RANBP17: variants seen among roughly 807,000 people sequenced by gnomAD.
RANBP17 encodes RAN binding protein 17, also known as ran-binding protein 17.
A neutral mutation model predicts 141.2 loss-of-function variants in RANBP17; 158 were observed. The ratio of observed to expected loss-of-function variants is 1.12; its 90% CI spans 0.98 to 1.28. The LOEUF is 1.28. Among genes scored for constraint, RANBP17 ranks in the 50% most tolerant of loss-of-function variants. RANBP17 has a pLI of 0.00. For missense variants in RANBP17, 1,438 were observed against 1,290.7 expected (o/e 1.11, Z -1.75); for synonymous variants, 430 against 450.0 (o/e 0.96, Z 0.56).
rs139519688 is a variant in RANBP17 at position 171,163,542 on chromosome 5, A to G, written c.1711-6588A>G. ...GACCTCAAAGGCACTTGAAGCCTAA[A>G]ACAAAAATATGAAAATTGATTTCTT... On this transcript the variant is annotated intron_variant, in intron 14 of 27. Transcript: ENST00000523189. 3.7e-3 allele frequency among the ~76,000 whole-genome samples: 568 copies of G among 152,250 alleles called. 4 individuals are homozygous for G. Among genetic ancestry groups the G allele is most frequent in the Non-Finnish European group, 6.5e-3 (439 of 67,998 alleles).
At chr5:170,874,636 T>A (rs925067429) in intron 1 of RANBP17, among the ~76,000 whole-genome samples, 6 of 138,272 alleles carry the variant, frequency 4.3e-5, no homozygotes, top group African/African-American at 1.6e-4. Flanking sequence ...TGTCAGAAAC[T>A]AGGATTTTAA....
At chr5:171,137,134 G>A (rs1047200778) in intron 14 of RANBP17, among the ~76,000 whole-genome samples, 1 of 152,120 alleles carries the variant, frequency 6.6e-6, no homozygotes, top group Non-Finnish European at 1.5e-5. Context: ...TTTTAAACTG[G>A]ATAGGAATTT....
chr5:171,014,362 C>T (rs1037898820), intron 14 of RANBP17, among the ~76,000 whole-genome samples: 3 of 151,870 alleles, frequency 2.0e-5, no homozygotes, highest in African/African-American at 7.2e-5. Context: ...CTACTGTTTT[C>T]CCTTTTTATC....
chr5:171,261,090 C>CCCAA (rs1554125343), intron 24 of RANBP17, among the ~76,000 whole-genome samples: 4 of 68,492 alleles, frequency 5.8e-5, no homozygotes, highest in Non-Finnish European at 7.5e-5. Flanking sequence ...CCACCCCCCC[C>CCCAA]AAAAAAAAAA....
intron 14 of RANBP17, among the ~76,000 whole-genome samples, chr5:171,055,180 T>C (rs536148805): frequency 2.5e-4 from 38 of 152,324 alleles, no homozygotes; most frequent in African/African-American, 8.2e-4. Flanking sequence ...GGTTGCTAGC[T>C]GATTCCTGTT....
intron 21 of RANBP17, 109 bp downstream of exon 21, chr5:171,213,847 C>G: frequency 1.2e-6 from 1 of 824,334 alleles, no homozygotes. Context: ...TAGCAAGAGC[C>G]CAGGAACCAA....
chr5:170,995,453 T>C (rs1389673196), intron 14 of RANBP17, among the ~76,000 whole-genome samples: 5 of 152,184 alleles, frequency 3.3e-5, no homozygotes, highest in Admixed American at 6.6e-5. Context: ...AATAAAATTA[T>C]AGTATGAAGG....
chr5:171,127,701 T>G (rs1446290205), intron 14 of RANBP17, among the ~76,000 whole-genome samples: 2 of 151,996 alleles, frequency 1.3e-5, no homozygotes, highest in African/African-American at 4.8e-5. Context: ...AAAAAGACAA[T>G]AAATAACAAA....
chr5:171,192,236 G>A (rs77180194), intron 18 of RANBP17, among the ~76,000 whole-genome samples: 1,590 of 152,194 alleles, frequency 0.01, 25 homozygotes, highest in African/African-American at 0.037. Flanking sequence ...GGGGGATGGG[G>A]GAGTGGGCAG....
At chr5:171,165,182 T>C (rs933661866) in intron 14 of RANBP17, among the ~76,000 whole-genome samples, 1 of 151,354 alleles carries the variant, frequency 6.6e-6, no homozygotes, top group Non-Finnish European at 1.5e-5. Context: ...TAGGTTTTTT[T>C]GTTTTTTTGT....
rs569656264 is a variant in RANBP17, at chr5:170,862,026, C to T, written c.-8C>T. The T allele has an allele frequency of 2.5e-4, 365 of 1,460,598 alleles. 2 individuals are homozygous for T. The African/African-American group carries it at 4.9e-3, about 20-fold the overall frequency. The allele number at this position is 1,460,598 out of a possible 1,614,324, so 90.5% of individuals were successfully genotyped here. A position where few individuals can be genotyped will look rare whatever the true frequency, so the allele number is the denominator to read the frequency against. ...CCGGCCGGCTGGCCGGCGCCGCCTCCTGGGAAGATGGCGCTGCACTTCCAG... is the reference window on the plus strand; with the variant it reads ...CCGGCCGGCTGGCCGGCGCCGCCTCTTGGGAAGATGGCGCTGCACTTCCAG... On this transcript the variant is annotated 5_prime_UTR_variant, in exon 1 of 28. Coordinates refer to ENST00000523189, the MANE Select transcript of RANBP17 (RefSeq NM_022897.5).
At chr5:170,960,333 T>G (rs1776040007) in intron 13 of RANBP17, among the ~76,000 whole-genome samples, 1 of 152,210 alleles carries the variant, frequency 6.6e-6, no homozygotes, top group South Asian at 2.1e-4. Context: ...GTAATTCTTG[T>G]CTTCTGACTT....
At chr5:171,057,582 T>C (rs1783485264) in intron 14 of RANBP17, among the ~76,000 whole-genome samples, 1 of 152,180 alleles carries the variant, frequency 6.6e-6, no homozygotes, top group Non-Finnish European at 1.5e-5. Context: ...CAAATGATAC[T>C]GTACGAATAA....
intron 12 of RANBP17, among the ~76,000 whole-genome samples, chr5:170,946,760 A>T (rs188894334): frequency 6.6e-6 from 1 of 152,190 alleles, no homozygotes; most frequent in African/African-American, 2.4e-5. Context: ...TGTTTTCTAT[A>T]TAAGACACAT....
At chr5:171,265,486 C>T (rs1215935583) in intron 24 of RANBP17, among the ~76,000 whole-genome samples, 195 bp from the exon 25 acceptor site, 1 of 152,108 alleles carries the variant, frequency 6.6e-6, no homozygotes, top group African/African-American at 2.4e-5. Flanking sequence ...GCCAAGATCA[C>T]GCCATTGCAC....
chr5:171,280,302 G>A (rs758175956), intron 25 of RANBP17, among the ~76,000 whole-genome samples: 2 of 152,012 alleles, frequency 1.3e-5, no homozygotes, highest in Non-Finnish European at 2.9e-5. Flanking sequence ...TTTTTAAATA[G>A]GATATCACCT....
chr5:171,075,908 A>G (rs778150133), intron 14 of RANBP17, among the ~76,000 whole-genome samples: 1 of 152,134 alleles, frequency 6.6e-6, no homozygotes, highest in Non-Finnish European at 1.5e-5. Context: ...AGCCGAGATC[A>G]TGCCACTGCA....
Position 170,916,498 on chromosome 5 carries a change from A to G in RANBP17, c.868A>G (p.Arg290Gly), listed in dbSNP as rs1771983160. ...LSCLVQFAST[R>G]RSLFNSPERA... ...ATGTTTAGTTCAGTTTGCTTCGACAAGAAGGTCCTTATTTAACAGTCCTGA... is the reference window on the plus strand; with the variant it reads ...ATGTTTAGTTCAGTTTGCTTCGACAGGAAGGTCCTTATTTAACAGTCCTGA... Residue 290 changes from arginine to glycine, a missense_variant, in exon 9 of 28, where the codon AGA becomes GGA. Arg to Gly is a moderately radical substitution (Grantham distance 125). Coordinates refer to ENST00000523189, the MANE Select transcript of RANBP17 (RefSeq NM_022897.5). The G allele has an allele frequency of 6.4e-7, 1 of 1,574,628 alleles. No homozygotes were observed. The highest frequency in any genetic ancestry group is 8.6e-7 in the Non-Finnish European group (1 of 1,159,512).
intron 14 of RANBP17, among the ~76,000 whole-genome samples, chr5:171,142,244 AG>A (rs1242522301): frequency 6.6e-5 from 10 of 152,202 alleles, no homozygotes; most frequent in African/African-American, 2.4e-4. Context: ...TCAAGATGAT[AG>A]GTGATTCTTA....
Sources: gnomAD v4.1 joint callset for allele counts (sites outside exome capture counted in the v4.1 genomes callset) on GRCh38, gnomAD v4.1.1 for gene constraint, MANE v1.5 for transcripts, NCBI Gene and HGNC (gene_info 2026-07-23, HGNC 2026-07-21) for gene names.